Variants in EGFLAM observed in about 807,000 individuals in gnomAD.
The protein encoded by EGFLAM is pikachurin.
In EGFLAM, 79 loss-of-function variants were observed where a neutral mutation model predicts 113.1. The ratio of observed to expected loss-of-function variants is 0.70; its 90% confidence interval spans 0.58 to 0.84. The LOEUF is 0.84. Ranked by LOEUF, EGFLAM falls within the 40% of genes least tolerant of loss-of-function variation. The pLI is 0.00. For synonymous variants in EGFLAM, 504 were observed against 487.6 expected, an observed-to-expected ratio of 1.03 and a Z score of -0.44; for missense variants, 1,265 against 1,291.6, an observed-to-expected ratio of 0.98 and a Z score of 0.32.
At chr5:38,293,611 G>C (rs899134810) in intron 1 of EGFLAM, among the ~76,000 whole-genome samples, 1 of 152,096 alleles carries the variant, frequency 6.6e-6, no homozygotes, top group Non-Finnish European at 1.5e-5. Context: ...CAAAGTATAT[G>C]GTTCTTCAAG....
chr5:38,421,172 G>C (rs141552522), intron 12 of EGFLAM, among the ~76,000 whole-genome samples: 1 of 152,076 alleles, frequency 6.6e-6, no homozygotes, highest in East Asian at 1.9e-4. Context: ...CACTAAACCC[G>C]TTTTTATTCC....
chr5:38,319,155 G>C (rs968934927), intron 1 of EGFLAM, among the ~76,000 whole-genome samples: 1 of 152,100 alleles, frequency 6.6e-6, no homozygotes, highest in African/African-American at 2.4e-5. Context: ...TCCTTCAGCA[G>C]ACCCCCAACT....
chr5:38,410,886 A>T (rs572448911), intron 10 of EGFLAM, among the ~76,000 whole-genome samples: 1 of 152,266 alleles, frequency 6.6e-6, no homozygotes, highest in South Asian at 2.1e-4. Context: ...TTATTATTTG[A>T]GAGTTTGGAA....
At chr5:38,261,092 A>G (rs1048974495) in intron 1 of EGFLAM, among the ~76,000 whole-genome samples, 4 of 152,140 alleles carry the variant, frequency 2.6e-5, no homozygotes, top group Non-Finnish European at 5.9e-5. Context: ...TCTACTTTTG[A>G]TAAGTATAGC....
At chr5:38,453,184 C>T (rs574470877) in intron 19 of EGFLAM, among the ~76,000 whole-genome samples, 1 of 152,340 alleles carries the variant, frequency 6.6e-6, no homozygotes, top group African/African-American at 2.4e-5. Context: ...CTTCCCCAGA[C>T]GATTCTGATA....
chr5:38,429,873 A>C (rs888855962), intron 14 of EGFLAM: 2 of 153,110 alleles, frequency 1.3e-5, no homozygotes, highest in African/African-American at 4.8e-5. Flanking sequence ...AAAAAATTTT[A>C]ATGACCAAAA....
rs182696853 is a variant in EGFLAM at position 38,436,295 on chromosome 5, G to A, written c.2283+1042G>A. On this transcript the variant is annotated intron_variant, in intron 16 of 21. Transcript: ENST00000322350. ...AGTTCCTGGGTGTTAGCTTCATCCT[G>A]TTTTCCTTTAGTGACCAATGGTGGC... Among the ~76,000 whole-genome samples, 30 of 152,294 alleles carry A rather than the reference G, an allele frequency of 2.0e-4. No individual in the cohort carries two copies. The East Asian group carries it at 4.8e-3, about 25-fold the overall frequency.
chr5:38,397,248 A>G (rs1397355348), intron 6 of EGFLAM, among the ~76,000 whole-genome samples: 1 of 152,172 alleles, frequency 6.6e-6, no homozygotes, highest in Non-Finnish European at 1.5e-5. Flanking sequence ...AGACTCATTC[A>G]GATTTGAAGG....
chr5:38,416,478 C>G (rs1489214682), intron 11 of EGFLAM, among the ~76,000 whole-genome samples: 1 of 152,160 alleles, frequency 6.6e-6, no homozygotes, highest in Admixed American at 6.5e-5. Context: ...AATTCCAGGG[C>G]ACTTCCATTT....
At chr5:38,383,310 T>C (rs1740565332) in intron 6 of EGFLAM, among the ~76,000 whole-genome samples, 1 of 152,070 alleles carries the variant, frequency 6.6e-6, no homozygotes, top group South Asian at 2.1e-4. Flanking sequence ...TACATTTCTT[T>C]CCAAAATAAA....
At chr5:38,313,585 T>C (rs1280689252) in intron 1 of EGFLAM, among the ~76,000 whole-genome samples, 2 of 152,190 alleles carry the variant, frequency 1.3e-5, no homozygotes, top group South Asian at 2.1e-4. Flanking sequence ...ATCGCCTAAT[T>C]ACTTTCTAAA....
chr5:38,399,276 C>CTTTT (rs1561068047), intron 6 of EGFLAM, among the ~76,000 whole-genome samples: 1 of 123,398 alleles, frequency 8.1e-6, no homozygotes, highest in African/African-American at 3.1e-5. Context: ...TTTTTGTTTT[C>CTTTT]GTTTTTTTTT....
At chr5:38,296,686 A>G (rs922267330) in intron 1 of EGFLAM, among the ~76,000 whole-genome samples, 16 of 151,286 alleles carry the variant, frequency 1.1e-4, no homozygotes, top group Admixed American at 6.6e-5. Context: ...ATAAAATATA[A>G]TTTTTATAAT....
chr5:38,314,247 C>A (rs868748327), intron 1 of EGFLAM, among the ~76,000 whole-genome samples: 5 of 152,186 alleles, frequency 3.3e-5, no homozygotes, highest in Admixed American at 3.3e-4. Context: ...AATAATTCAT[C>A]CATTCCCCAT....
At chr5:38,394,057 G>A (rs1421096619) in intron 6 of EGFLAM, among the ~76,000 whole-genome samples, 1 of 152,044 alleles carries the variant, frequency 6.6e-6, no homozygotes, top group South Asian at 2.1e-4. Flanking sequence ...AAGCCGCACC[G>A]TCTGAAGTTA....
intron 5 of EGFLAM, among the ~76,000 whole-genome samples, chr5:38,362,841 A>C (rs1205531418): frequency 6.6e-6 from 1 of 152,180 alleles, no homozygotes; most frequent in Non-Finnish European, 1.5e-5. Flanking sequence ...CGGCAAATTG[A>C]TCCCGTAAAG....
At chr5:38,426,702 C>T (rs950397213) in intron 13 of EGFLAM, among the ~76,000 whole-genome samples, 15 of 152,166 alleles carry the variant, frequency 9.9e-5, no homozygotes, top group African/African-American at 3.4e-4. Flanking sequence ...GACACAGTTT[C>T]CTTCCATCTA....
intron 6 of EGFLAM, 151 bp downstream of exon 6, chr5:38,370,613 A>G (rs1437755853): frequency 1.0e-6 from 1 of 1,003,798 alleles, no homozygotes; most frequent in Non-Finnish European, 1.4e-6. Context: ...AGCCCTTTGG[A>G]AGTTAGAGGC....
intron 1 of EGFLAM, chr5:38,305,608 A>C: frequency 3.3e-6 from 1 of 299,300 alleles, no homozygotes; most frequent in South Asian, 3.2e-5. Flanking sequence ...AACCAGTCCA[A>C]CTGGAACAGG....
Sources: gnomAD v4.1 joint callset for allele counts (sites outside exome capture counted in the v4.1 genomes callset) on GRCh38, gnomAD v4.1.1 for gene constraint, MANE v1.5 for transcripts, NCBI Gene and HGNC (gene_info 2026-07-23, HGNC 2026-07-21) for gene names.